The following CD80 variants were observed in gnomAD, a reference collection of about 807,000 sequenced individuals.
CD80 encodes T-lymphocyte activation antigen CD80.
CD80 carries 13 observed loss-of-function variants against 27.1 expected under a neutral mutation model. That is an observed-to-expected ratio of 0.48 (90% CI 0.31 to 0.76). CD80 has a LOEUF of 0.76. Among genes scored for constraint, CD80 ranks in the 30% least tolerant of loss-of-function variants. The pLI, the probability that CD80 is intolerant of heterozygous loss-of-function variation, is 0.04. For synonymous variants in CD80, 125 were observed against 125.5 expected (o/e 1.00, Z 0.03); for missense variants, 277 against 347.9 (o/e 0.80, Z 1.62).
chr3:119,527,899 A>G lies in CD80; in HGVS notation c.797-58T>C, dbSNP rs1037433039. The G allele has an allele frequency of 3.5e-6, 5 of 1,431,500 alleles. No individual in the cohort carries two copies. In the African/African-American group the frequency reaches 7.0e-5, roughly 20 times the overall value. The allele number at this position is 1,431,500 out of a possible 1,614,324, so 88.7% of individuals were successfully genotyped here. A position where few individuals can be genotyped will look rare whatever the true frequency, so the allele number is the denominator to read the frequency against. On this transcript the variant is annotated intron_variant, in intron 5 of 6. Transcript: ENST00000264246. ...AGTAAGTTTCCCTTGAATTGTGCCC[A>G]TATGTTAATATTTACTTTAGCAAGG...
chr3:119,530,457 T>G (rs2082103533), intron 4 of CD80, among the ~76,000 whole-genome samples: 1 of 152,184 alleles, frequency 6.6e-6, no homozygotes, highest in African/African-American at 2.4e-5. Context: ...TTTTTCACCC[T>G]CTAGCTACTG....
intron 4 of CD80, among the ~76,000 whole-genome samples, chr3:119,532,337 A>G (rs2082115412): frequency 6.6e-6 from 1 of 152,106 alleles, no homozygotes; most frequent in Non-Finnish European, 1.5e-5. Context: ...CCCTGTCTCT[A>G]CTAAAAGTAC....
Position 119,537,246 on chromosome 3 carries a change from G to C in CD80, c.591C>G (p.Leu197=). ...AATCCAGTTTGCTGCTAACAGCATA[G>C]AGCTCAGTTTCAGGATCTTGGGAAA... is the stretch of plus-strand genomic sequence containing the variant. ...TTVSQDPETE[L]YAVSSKLDFN... The change falls in exon 4 of 7, where the codon CTC becomes CTG. Residue 197 remains leucine, a synonymous_variant. Transcript: ENST00000264246. 1 of 1,614,020 alleles carries C rather than the reference G, an allele frequency of 6.2e-7. No individual in the cohort carries two copies. Among genetic ancestry groups the C allele is most frequent in the Non-Finnish European group, 8.5e-7 (1 of 1,179,934 alleles).
intron 5 of CD80, 23 bp downstream of exon 5, chr3:119,529,819 G>A (rs541432651): frequency 6.8e-7 from 1 of 1,463,398 alleles, no homozygotes; most frequent in South Asian, 1.1e-5. Flanking sequence ...TTGAGATCAG[G>A]ATGATGGTAT....
intron 2 of CD80, among the ~76,000 whole-genome samples, chr3:119,554,124 CA>C (rs946734974): frequency 4.6e-5 from 7 of 152,200 alleles, no homozygotes; most frequent in African/African-American, 1.7e-4. Flanking sequence ...TCTTTCTAAA[CA>C]GTATTTATAT....
chr3:119,527,293 G>T (rs533708932), intron 6 of CD80, among the ~76,000 whole-genome samples: 3 of 152,244 alleles, frequency 2.0e-5, no homozygotes, highest in Admixed American at 6.5e-5. Flanking sequence ...TGTGAAATTT[G>T]GCTCCATGAT....
intron 1 of CD80, among the ~76,000 whole-genome samples, chr3:119,558,691 A>G (rs2082276965): frequency 6.8e-6 from 1 of 148,120 alleles, no homozygotes; most frequent in Non-Finnish European, 1.5e-5. Flanking sequence ...TGAATCCAGG[A>G]GGTGGAGGCT....
chr3:119,556,966 T>C (rs570785772), intron 2 of CD80, among the ~76,000 whole-genome samples: 1 of 152,326 alleles, frequency 6.6e-6, no homozygotes, highest in Non-Finnish European at 1.5e-5. Flanking sequence ...AGAAGTCAAA[T>C]TATTACTTTC....
chr3:119,555,936 C>T (rs2082261958), intron 2 of CD80, among the ~76,000 whole-genome samples: 1 of 152,228 alleles, frequency 6.6e-6, no homozygotes, highest in Admixed American at 6.5e-5. Flanking sequence ...TCTCCATCAT[C>T]CATCTGCCTC....
chr3:119,556,746 C>T (rs1471514316), intron 2 of CD80, among the ~76,000 whole-genome samples: 1 of 152,130 alleles, frequency 6.6e-6, no homozygotes. Context: ...ATAGTCGGGT[C>T]TTTGCAGACT....
chr3:119,552,013 T>G (rs2082235026), intron 2 of CD80, among the ~76,000 whole-genome samples: 1 of 152,222 alleles, frequency 6.6e-6, no homozygotes, highest in African/African-American at 2.4e-5. Flanking sequence ...TTCTGGCGAA[T>G]GCATGGAAAC....
intron 3 of CD80, among the ~76,000 whole-genome samples, chr3:119,541,004 C>T (rs1052420443): frequency 5.3e-5 from 8 of 151,766 alleles, no homozygotes; most frequent in Non-Finnish European, 7.4e-5. Flanking sequence ...CCCGAGATCA[C>T]GCCACTGCAC....
At position 119,527,578 on chromosome 3, in the gene CD80, G is replaced by A. The variant is rs2082073911; in HGVS notation, c.*38+155C>T. On this transcript the variant is annotated intron_variant, in intron 6 of 6. Transcript: ENST00000264246. ...AAGCAAATTGCATATGGGGAGAAAG[G>A]AGAGGGATGCCAGCCATCTTGTAAC... 3 of 523,092 alleles carry A rather than the reference G, an allele frequency of 5.7e-6. No individual in the cohort carries two copies. In the South Asian group the frequency reaches 1.1e-4, roughly 18 times the overall value. The allele number at this position is 523,092 out of a possible 1,614,324, so 32.4% of individuals were successfully genotyped here. A position where few individuals can be genotyped will look rare whatever the true frequency, so the allele number is the denominator to read the frequency against.
intron 3 of CD80, among the ~76,000 whole-genome samples, chr3:119,538,116 T>C (rs2082149349): frequency 1.3e-5 from 2 of 152,152 alleles, no homozygotes; most frequent in Non-Finnish European, 2.9e-5. Flanking sequence ...GAGAGGTAGG[T>C]TGTAGATCTA....
At chr3:119,551,589 G>A (rs2082232285) in intron 2 of CD80, among the ~76,000 whole-genome samples, 1 of 152,104 alleles carries the variant, frequency 6.6e-6, no homozygotes, top group Admixed American at 6.5e-5. Flanking sequence ...CTTGACCTTG[G>A]ACTTCCCAGC....
At chr3:119,542,065 C>A (rs1411413808) in intron 3 of CD80, among the ~76,000 whole-genome samples, 1 of 95,904 alleles carries the variant, frequency 1.0e-5, no homozygotes, top group Non-Finnish European at 1.9e-5. Context: ...CCACCCCCCA[C>A]CCCCCACCCC....
chr3:119,533,006 C>T (rs1262013980), intron 4 of CD80, among the ~76,000 whole-genome samples: 1 of 152,106 alleles, frequency 6.6e-6, no homozygotes, highest in Non-Finnish European at 1.5e-5. Context: ...CCAGAGTTGA[C>T]CTCTACAGAT....
At chr3:119,551,824 A>G (rs1303866662) in intron 2 of CD80, among the ~76,000 whole-genome samples, 42 of 152,210 alleles carry the variant, frequency 2.8e-4, no homozygotes, top group Admixed American at 2.7e-3. Context: ...GCTTTGCTGA[A>G]CCACACCCCC....
At chr3:119,529,175 C>T (rs2082096416) in intron 5 of CD80, among the ~76,000 whole-genome samples, 1 of 152,100 alleles carries the variant, frequency 6.6e-6, no homozygotes, top group South Asian at 2.1e-4. Context: ...GTCTCGAACT[C>T]CTGACCTTAA....
Sources: allele counts gnomAD v4.1 joint callset (sites outside exome capture counted in the v4.1 genomes callset), GRCh38; gene constraint gnomAD v4.1.1; transcripts MANE v1.5; gene names NCBI Gene and HGNC (gene_info 2026-07-23, HGNC 2026-07-21).